Variants in MITF observed in about 807,000 individuals in gnomAD.
MITF encodes the protein microphthalmia-associated transcription factor.
Under a neutral mutation model 60.5 loss-of-function variants are expected in MITF, and 17 were observed. The ratio of observed to expected loss-of-function variants is 0.28; its 90% confidence interval spans 0.19 to 0.42. The LOEUF is 0.42. Among genes scored for constraint, MITF ranks in the 10% least tolerant of loss-of-function variants. MITF has a pLI of 1.00. For missense variants in MITF, 622 were observed against 683.5 expected (o/e 0.91, Z 1.00); for synonymous variants, 260 against 248.5 (o/e 1.05, Z -0.43).
chr3:69,739,639 G>T lies in MITF; in HGVS notation c.42G>T (p.Gly14=). ...GGATCGTGCCGGATTTCGAAGTCGG[G>T]GAGGAGTTTCATGAAGAGCCCAAAA... ...ESGIVPDFEV[G]EEFHEEPKTY... Residue 14 remains glycine (G), a synonymous_variant, in exon 1 of 10, where the codon GGG becomes GGT. Transcript: ENST00000352241. 1 of 1,584,418 alleles carries T rather than the reference G, an allele frequency of 6.3e-7. No individual in the cohort carries two copies. Among genetic ancestry groups the T allele is most frequent in the Middle Eastern group, 1.7e-4 (1 of 6,030 alleles).
At chr3:69,780,009 A>G (rs1479304557) in intron 1 of MITF, among the ~76,000 whole-genome samples, 1 of 152,182 alleles carries the variant, frequency 6.6e-6, no homozygotes, top group African/African-American at 2.4e-5. Flanking sequence ...AGGATTGGGA[A>G]GAAGGGATAT....
At chr3:69,751,417 A>G (rs1703929385) in intron 1 of MITF, among the ~76,000 whole-genome samples, 1 of 152,126 alleles carries the variant, frequency 6.6e-6, no homozygotes, top group South Asian at 2.1e-4. Flanking sequence ...TTCTCTGATC[A>G]TGAAGTACAG....
At chr3:69,884,947 A>G (rs959642315) in intron 2 of MITF, among the ~76,000 whole-genome samples, 3 of 152,160 alleles carry the variant, frequency 2.0e-5, no homozygotes, top group African/African-American at 4.8e-5. Context: ...CAGTTTCTGG[A>G]AACATTGGAA....
intron 2 of MITF, among the ~76,000 whole-genome samples, chr3:69,900,965 G>C (rs2064982395): frequency 6.6e-6 from 1 of 152,054 alleles, no homozygotes; most frequent in African/African-American, 2.4e-5. Context: ...GCTGTCCTAT[G>C]TTCATTTTCC....
chr3:69,785,392 TC>T, intron 1 of MITF, among the ~76,000 whole-genome samples: 1 of 152,246 alleles, frequency 6.6e-6, no homozygotes, highest in East Asian at 1.9e-4. Flanking sequence ...ATCAGAACAA[TC>T]CCATGAGCTC....
chr3:69,932,968 A>T (rs1166661274), intron 2 of MITF, among the ~76,000 whole-genome samples: 1 of 152,140 alleles, frequency 6.6e-6, no homozygotes, highest in Non-Finnish European at 1.5e-5. Context: ...CAAAAGAACA[A>T]ATTATCTCTC....
At chr3:69,872,753 C>T (rs1016403595) in intron 1 of MITF, among the ~76,000 whole-genome samples, 1 of 152,080 alleles carries the variant, frequency 6.6e-6, no homozygotes, top group Admixed American at 6.6e-5. Flanking sequence ...GGATATGAAA[C>T]ATCTTCCATT....
chr3:69,747,116 G>A lies in MITF; in HGVS notation c.104+7415G>A, dbSNP rs1703756477. ...CTTTCTGGGGACTTCTCAAGGACTGGGTGCTGAGTGTCAGTCTCTGTGCTG... is the reference window on the plus strand; with the variant it reads ...CTTTCTGGGGACTTCTCAAGGACTGAGTGCTGAGTGTCAGTCTCTGTGCTG... On this transcript the variant is annotated intron_variant, in intron 1 of 9. Coordinates refer to ENST00000352241, the MANE Select transcript of MITF (RefSeq NM_001354604.2). Among the ~76,000 whole-genome samples, 6 of 152,270 alleles carry A rather than the reference G, an allele frequency of 3.9e-5. No homozygotes were observed. In the South Asian group the frequency reaches 1.2e-3, roughly 32 times the overall value.
chr3:69,949,680 C>T (rs2066193079), intron 6 of MITF, among the ~76,000 whole-genome samples: 1 of 152,106 alleles, frequency 6.6e-6, no homozygotes, highest in South Asian at 2.1e-4. Flanking sequence ...ATTTATTACA[C>T]AGAGGGGAAA....
At chr3:69,884,414 A>G (rs1387248906) in intron 2 of MITF, among the ~76,000 whole-genome samples, 2 of 152,072 alleles carry the variant, frequency 1.3e-5, no homozygotes, top group East Asian at 3.9e-4. Context: ...AAAAATGTAT[A>G]ATTTATTTTC....
At chr3:69,786,476 C>A (rs144626216) in intron 1 of MITF, among the ~76,000 whole-genome samples, 1 of 152,012 alleles carries the variant, frequency 6.6e-6, no homozygotes, top group African/African-American at 2.4e-5. Context: ...TAGTTAACAT[C>A]GTAAAATGAA....
At chr3:69,846,411 A>G (rs564337462) in intron 1 of MITF, among the ~76,000 whole-genome samples, 1 of 152,230 alleles carries the variant, frequency 6.6e-6, no homozygotes, top group Non-Finnish European at 1.5e-5. Context: ...AAGAAGGACC[A>G]TGCCTTACTA....
At chr3:69,842,769 A>G (rs1039329411) in intron 1 of MITF, among the ~76,000 whole-genome samples, 15 of 152,188 alleles carry the variant, frequency 9.9e-5, no homozygotes, top group African/African-American at 3.1e-4. Context: ...GATGAAAAAA[A>G]GCTGCACTAG....
chr3:69,836,924 C>A (rs1421717077), intron 1 of MITF, among the ~76,000 whole-genome samples: 2 of 152,276 alleles, frequency 1.3e-5, no homozygotes, highest in Non-Finnish European at 2.9e-5. Flanking sequence ...ATTCCCCCAG[C>A]GTGTTGTAGA....
At chr3:69,948,946 A>G (rs1046501407) in intron 5 of MITF, 105 bp from the exon 6 acceptor site, 9 of 833,292 alleles carry the variant, frequency 1.1e-5, no homozygotes, top group Admixed American at 6.2e-5. Flanking sequence ...TTTTTGTATC[A>G]AATAATTTTT....
At chr3:69,827,108 T>G (rs1224491845) in intron 1 of MITF, among the ~76,000 whole-genome samples, 1 of 152,194 alleles carries the variant, frequency 6.6e-6, no homozygotes, top group Non-Finnish European at 1.5e-5. Flanking sequence ...CATTGCTCTT[T>G]GACAGCCTCT....
chr3:69,766,108 T>G (rs2062287405), intron 1 of MITF, among the ~76,000 whole-genome samples: 1 of 152,228 alleles, frequency 6.6e-6, no homozygotes, highest in South Asian at 2.1e-4. Context: ...TTGAACAAGG[T>G]AAGAATTGCA....
intron 1 of MITF, among the ~76,000 whole-genome samples, chr3:69,876,291 A>G (rs2064352301): frequency 6.6e-6 from 1 of 152,298 alleles, no homozygotes; most frequent in South Asian, 2.1e-4. Flanking sequence ...TTGCTACAGC[A>G]CAAAGGTTTG....
chr3:69,871,196 A>C (rs755492426), intron 1 of MITF, among the ~76,000 whole-genome samples: 3 of 152,214 alleles, frequency 2.0e-5, no homozygotes, highest in Non-Finnish European at 4.4e-5. Flanking sequence ...AGATCCAGGA[A>C]GTTCCAGATT....
Sources: gnomAD v4.1 joint callset for allele counts (sites outside exome capture counted in the v4.1 genomes callset) on GRCh38, gnomAD v4.1.1 for gene constraint, MANE v1.5 for transcripts, NCBI Gene and HGNC (gene_info 2026-07-23, HGNC 2026-07-21) for gene names.